JMJD1C: variants seen among roughly 807,000 people sequenced by gnomAD.
JMJD1C encodes the protein jumonji domain-containing protein 1C.
Under a neutral mutation model 245.3 loss-of-function variants are expected in JMJD1C, and 31 were observed. The ratio of observed to expected loss-of-function variants is 0.13; its 90% CI spans 0.09 to 0.17. The LOEUF is 0.17. Ranked by LOEUF, JMJD1C falls within the 10% of genes least tolerant of loss-of-function variation. The pLI, the probability that JMJD1C is intolerant of heterozygous loss-of-function variation, is 1.00. For synonymous variants in JMJD1C, 1,057 were observed against 1,017.4 expected (o/e 1.04, Z -0.74); for missense variants, 2,691 against 3,000.2 (o/e 0.90, Z 2.41).
intron 1 of JMJD1C, among the ~76,000 whole-genome samples, chr10:63,516,514 A>C (rs1218982546): frequency 6.6e-6 from 1 of 152,224 alleles, no homozygotes; most frequent in Non-Finnish European, 1.5e-5. Flanking sequence ...ACCCTGATTT[A>C]ATCTATTCTA....
intron 3 of JMJD1C, among the ~76,000 whole-genome samples, chr10:63,254,770 G>A (rs922664809): frequency 1.3e-5 from 2 of 151,938 alleles, no homozygotes; most frequent in African/African-American, 4.8e-5. Flanking sequence ...GGCTGGTCTC[G>A]AGCTCCTGAG....
At chr10:63,319,991 C>G (rs895279462) in intron 2 of JMJD1C, among the ~76,000 whole-genome samples, 2 of 152,140 alleles carry the variant, frequency 1.3e-5, no homozygotes, top group Non-Finnish European at 2.9e-5. Flanking sequence ...GTTTCAAACT[C>G]CTGACCTCAG....
chr10:63,370,567 C>T (rs925356705), intron 2 of JMJD1C, among the ~76,000 whole-genome samples: 1 of 152,178 alleles, frequency 6.6e-6, no homozygotes. Flanking sequence ...TTGATAACTG[C>T]TATTTTCCCC....
intron 2 of JMJD1C, among the ~76,000 whole-genome samples, chr10:63,351,738 C>T (rs752370227): frequency 1.3e-5 from 2 of 152,108 alleles, no homozygotes; most frequent in Non-Finnish European, 2.9e-5. Context: ...TAAACCTACC[C>T]TAATTCTTTT....
upstream of JMJD1C, among the ~76,000 whole-genome samples, chr10:63,470,838 T>G (rs1953468245): frequency 6.6e-6 from 1 of 152,218 alleles, no homozygotes; most frequent in Non-Finnish European, 1.5e-5. Flanking sequence ...GTTTCCAGTT[T>G]AAATTCTGGC....
At chr10:63,457,623 A>T (rs1264803644) in intron 1 of JMJD1C, among the ~76,000 whole-genome samples, 1 of 152,240 alleles carries the variant, frequency 6.6e-6, no homozygotes, top group Non-Finnish European at 1.5e-5. Flanking sequence ...TAAAAGTCCA[A>T]GAGGACTTAA....
intron 3 of JMJD1C, among the ~76,000 whole-genome samples, chr10:63,231,612 G>A (rs1850006797): frequency 6.6e-6 from 1 of 152,028 alleles, no homozygotes; most frequent in Non-Finnish European, 1.5e-5. Flanking sequence ...TGAGCAACAT[G>A]GTGAAACTCC....
chr10:63,186,672 G>A (rs1051134955), intron 18 of JMJD1C, among the ~76,000 whole-genome samples: 1 of 152,186 alleles, frequency 6.6e-6, no homozygotes, highest in Non-Finnish European at 1.5e-5. Flanking sequence ...CTTGGTGGCG[G>A]AGGGTAGATG....
At position 63,394,254 on chromosome 10, in the gene JMJD1C, T is replaced by G. The variant is rs536329564; in HGVS notation, c.169-13772A>C. 8.2e-5 allele frequency among the ~76,000 whole-genome samples: 12 copies of G among 146,996 alleles called. 1 individual carries two copies. The highest frequency in any genetic ancestry group is 2.0e-4 in the Admixed American group (3 of 14,748). On this transcript the variant is annotated intron_variant, in intron 1 of 25. Coordinates refer to ENST00000399262, the MANE Select transcript of JMJD1C (RefSeq NM_032776.3). Reference sequence around the variant, plus strand: ...AAAAAAAACTAGACACACAGATGAATAAGAGAATAAAGTCCAGAAACAGAT... The same window carrying G: ...AAAAAAAACTAGACACACAGATGAAGAAGAGAATAAAGTCCAGAAACAGAT...
Position 63,214,304 on chromosome 10 carries a change from C to A in JMJD1C, c.1863G>T (p.Glu621Asp). The change falls in exon 8 of 26, where the codon GAG (glutamate) becomes GAT (aspartate). Residue 621 changes from glutamate (E) to aspartate (D), a missense_variant. Glu to Asp is a conservative substitution (Grantham distance 45). Coordinates refer to ENST00000399262, the MANE Select transcript of JMJD1C (RefSeq NM_032776.3). ...AAGTATTAAGTTTAGATTTTATAGT[C>A]TCTGGAGGTGGACTTCGCTTATGCA... ...DKLHKRSPPPETIKSKLNTSV... is the reference protein window; with the variant it reads ...DKLHKRSPPPDTIKSKLNTSV... 6.2e-7 allele frequency: 1 copy of A among 1,613,996 alleles called. No homozygotes were observed. The highest frequency in any genetic ancestry group is 1.1e-5 in the South Asian group (1 of 91,074).
At chr10:63,287,127 C>T (rs1004492260) in intron 2 of JMJD1C, among the ~76,000 whole-genome samples, 8 of 152,168 alleles carry the variant, frequency 5.3e-5, no homozygotes, top group Non-Finnish European at 1.0e-4. Context: ...TGTTGCAATA[C>T]ATACAAACCC....
At chr10:63,500,742 T>A (rs868820701) in intron 1 of JMJD1C, among the ~76,000 whole-genome samples, 22 of 136,346 alleles carry the variant, frequency 1.6e-4, no homozygotes, top group African/African-American at 6.2e-4. Flanking sequence ...GATGGATGGA[T>A]GGAAGGATGG....
chr10:63,334,955 G>A (rs1228685708), intron 2 of JMJD1C, among the ~76,000 whole-genome samples: 2 of 143,482 alleles, frequency 1.4e-5, no homozygotes, highest in Non-Finnish European at 3.0e-5. Flanking sequence ...TGATCCTCCC[G>A]CCTCTGCCTC....
Position 63,304,570 on chromosome 10 carries a change from G to A in JMJD1C, c.334-39806C>T, listed in dbSNP as rs554488782. Among the ~76,000 whole-genome samples the A allele has an allele frequency of 2.0e-5, 3 of 152,284 alleles. No homozygotes were observed. The South Asian group carries it at 6.2e-4, about 32-fold the overall frequency. On this transcript the variant is annotated intron_variant, in intron 2 of 25. Transcript: ENST00000399262. ...TGGGTTGTCAGGAATAATTCAAAAT[G>A]TAAGATTACTTTGTCTAAAATGCAA...
chr10:63,386,969 T>C (rs749104989), intron 1 of JMJD1C, among the ~76,000 whole-genome samples: 3 of 152,192 alleles, frequency 2.0e-5, no homozygotes, highest in Non-Finnish European at 2.9e-5. Flanking sequence ...AAGTGGCCCA[T>C]GTGGCAACCC....
chr10:63,342,262 GA>G (rs1398914906), intron 2 of JMJD1C, among the ~76,000 whole-genome samples: 2 of 152,178 alleles, frequency 1.3e-5, no homozygotes, highest in African/African-American at 4.8e-5. Flanking sequence ...AACACTGCAG[GA>G]AAAAGTGCCT....
chr10:63,222,069 T>C (rs955853668), intron 3 of JMJD1C: 8 of 485,552 alleles, frequency 1.6e-5, no homozygotes, highest in African/African-American at 7.8e-5. Context: ...TTCAGATATC[T>C]CTGACAGCAA....
intron 2 of JMJD1C, among the ~76,000 whole-genome samples, chr10:63,359,534 G>A (rs1357784677): frequency 6.6e-6 from 1 of 152,074 alleles, no homozygotes; most frequent in Non-Finnish European, 1.5e-5. Context: ...ACCTGAATAT[G>A]ACTATCCAAT....
At chr10:63,487,818 G>A (rs1350029781) in intron 1 of JMJD1C, among the ~76,000 whole-genome samples, 1 of 152,186 alleles carries the variant, frequency 6.6e-6, no homozygotes. Flanking sequence ...GATAGACTTT[G>A]CAGTTTTCAA....
Sources: allele counts gnomAD v4.1 joint callset (sites outside exome capture counted in the v4.1 genomes callset), GRCh38; gene constraint gnomAD v4.1.1; transcripts MANE v1.5; gene names NCBI Gene and HGNC (gene_info 2026-07-23, HGNC 2026-07-21).